Variants in MBP observed in about 807,000 individuals in gnomAD.
MBP encodes Golli-MBP.
A neutral mutation model predicts 35.8 loss-of-function variants in MBP; 16 were observed. The ratio of observed to expected loss-of-function variants is 0.45; its 90% CI spans 0.30 to 0.68. The LOEUF (loss-of-function observed/expected upper bound fraction) is 0.68, where lower values mean the gene tolerates loss of function less well. Ranked by LOEUF, MBP falls within the 30% of genes least tolerant of loss-of-function variation. The probability of loss-of-function intolerance (pLI) is 0.08; values close to 1 mark genes in which losing one functional copy is unlikely to be tolerated. For synonymous variants in MBP, 143 were observed against 159.6 expected (o/e 0.90, Z 0.78); for missense variants, 380 against 404.7 (o/e 0.94, Z 0.52).
chr18:76,987,810 T>G (rs1358809938), intron 7 of MBP: 10 of 1,039,276 alleles, frequency 9.6e-6, no homozygotes, highest in Non-Finnish European at 8.1e-6. Flanking sequence ...TAGAATATAA[T>G]GATTGGCATT....
At chr18:76,998,318 G>A (rs968515203) in intron 4 of MBP, among the ~76,000 whole-genome samples, 27 of 108,032 alleles carry the variant, frequency 2.5e-4, no homozygotes, top group Non-Finnish European at 4.5e-4. Context: ...GCCCCGTGCT[G>A]CGGCCCCCGT....
At chr18:77,071,202 A>G (rs139799920) in intron 2 of MBP, among the ~76,000 whole-genome samples, 26 of 152,334 alleles carry the variant, frequency 1.7e-4, no homozygotes, top group African/African-American at 4.6e-4. Context: ...GATTCAGACT[A>G]GAAACTGCTT....
At chr18:77,059,048 C>T (rs1973857018) in intron 3 of MBP, among the ~76,000 whole-genome samples, 2 of 152,028 alleles carry the variant, frequency 1.3e-5, no homozygotes, top group African/African-American at 2.4e-5. Context: ...AAGGGCAGTT[C>T]GCCAGCACGA....
chr18:77,019,216 AT>A (rs1331987647), intron 3 of MBP, among the ~76,000 whole-genome samples: 1 of 152,194 alleles, frequency 6.6e-6, no homozygotes, highest in Admixed American at 6.5e-5. Flanking sequence ...TATGTTATGG[AT>A]TGAATAGTAT....
chr18:77,008,100 G>A (rs1971103789), intron 4 of MBP, among the ~76,000 whole-genome samples: 1 of 152,144 alleles, frequency 6.6e-6, no homozygotes, highest in Admixed American at 6.5e-5. Context: ...CGTGGAGCAG[G>A]GAACGGGGTA....
At chr18:77,029,557 C>G (rs1290848197) in intron 3 of MBP, among the ~76,000 whole-genome samples, 2 of 152,060 alleles carry the variant, frequency 1.3e-5, no homozygotes, top group African/African-American at 4.8e-5. Flanking sequence ...CTCAAGCAAT[C>G]CTTCTGCCTT....
chr18:77,088,748 C>T (rs1171639528), intron 2 of MBP, among the ~76,000 whole-genome samples: 1 of 152,086 alleles, frequency 6.6e-6, no homozygotes, highest in Non-Finnish European at 1.5e-5. Context: ...CTTTTATATT[C>T]AAATCATTAA....
chr18:77,013,114 G>C lies in MBP; in HGVS notation c.576+3718C>G, dbSNP rs1471997715. On this transcript the variant is annotated intron_variant, in intron 4 of 8. Transcript: ENST00000355994. The stretch of plus-strand genomic sequence containing the variant: ...TAACTGATCAGAGTAATGAGACTTT[G>C]AGAGGAATGCCTATAAGAAATCTCA... 11 of 985,252 alleles carry C rather than the reference G, an allele frequency of 1.1e-5. No homozygotes were observed. In the East Asian group the frequency reaches 3.4e-4, roughly 30 times the overall value. The allele number at this position is 985,252 out of a possible 1,614,324, so 61.0% of individuals were successfully genotyped here.
At chr18:77,126,789 C>A (rs1430684443) in intron 1 of MBP, among the ~76,000 whole-genome samples, 1 of 152,054 alleles carries the variant, frequency 6.6e-6, no homozygotes, top group Non-Finnish European at 1.5e-5. Flanking sequence ...TTAGAAATGC[C>A]CCAAAGAAAA....
intron 2 of MBP, among the ~76,000 whole-genome samples, chr18:77,090,973 T>C (rs910796098): frequency 6.6e-6 from 1 of 152,230 alleles, no homozygotes; most frequent in Non-Finnish European, 1.5e-5. Context: ...GCAGTGCAGC[T>C]GGAGCCCAGG....
chr18:77,064,628 A>G (rs1010901808), intron 3 of MBP, among the ~76,000 whole-genome samples: 2 of 152,224 alleles, frequency 1.3e-5, no homozygotes, highest in Admixed American at 6.5e-5. Flanking sequence ...GTAGAAAAGA[A>G]AGGACTTTTG....
intron 7 of MBP, chr18:76,986,887 T>C: frequency 1.0e-6 from 1 of 985,470 alleles, no homozygotes; most frequent in Non-Finnish European, 1.2e-6. Flanking sequence ...TGTTTATCTT[T>C]GGGGAACCTA....
chr18:76,980,287 G>A lies in MBP; in HGVS notation c.*140C>T, dbSNP rs1969105266. 5 of 823,842 alleles carry A rather than the reference G, an allele frequency of 6.1e-6. No individual in the cohort carries two copies. Among genetic ancestry groups the A allele is most frequent in the Non-Finnish European group, 1.1e-5 (5 of 464,394 alleles). The allele number at this position is 823,842 out of a possible 1,614,324, so 51.0% of individuals were successfully genotyped here. A position where few individuals can be genotyped will look rare whatever the true frequency, so the allele number is the denominator to read the frequency against. ...AATTGCCGGTAGGCTGCCGTGGCCT[G>A]ACCCTACTACGTGCACAACTCCGCA... On this transcript the variant is annotated 3_prime_UTR_variant, in exon 9 of 9. Transcript: ENST00000355994.
At chr18:77,027,036 A>G (rs1280511798) in intron 3 of MBP, among the ~76,000 whole-genome samples, 1 of 152,200 alleles carries the variant, frequency 6.6e-6, no homozygotes, top group Non-Finnish European at 1.5e-5. Flanking sequence ...GTGAGTCGCC[A>G]CTGTTGGCTT....
chr18:77,071,830 C>T (rs922176606), intron 2 of MBP, among the ~76,000 whole-genome samples: 2 of 152,270 alleles, frequency 1.3e-5, no homozygotes, highest in Non-Finnish European at 2.9e-5. Context: ...CAATTAAACT[C>T]GGTGAGCCAA....
At chr18:77,081,813 C>CATATATACACACACACACT (rs1974935090) in intron 2 of MBP, among the ~76,000 whole-genome samples, 1 of 90,682 alleles carries the variant, frequency 1.1e-5, no homozygotes, top group Non-Finnish European at 2.3e-5. Context: ...TATGCACACA[C>CATATATACACACACACACT]ATATATACAC....
At chr18:77,126,431 G>C (rs567479021) in intron 1 of MBP, among the ~76,000 whole-genome samples, 1 of 152,244 alleles carries the variant, frequency 6.6e-6, no homozygotes, top group East Asian at 1.9e-4. Context: ...AAATCCTATA[G>C]CTACATCATA....
At chr18:77,073,733 A>C (rs1382657204) in intron 2 of MBP, among the ~76,000 whole-genome samples, 1 of 152,214 alleles carries the variant, frequency 6.6e-6, no homozygotes, top group East Asian at 1.9e-4. Context: ...CTTGCAGGAC[A>C]TGCAGACCTG....
intron 7 of MBP, chr18:76,985,363 G>A: frequency 1.6e-6 from 2 of 1,270,808 alleles, no homozygotes; most frequent in South Asian, 2.6e-5. Flanking sequence ...TTTGCTGGGG[G>A]CTCCTTTTGC....
Sources: gnomAD v4.1 joint callset for allele counts (sites outside exome capture counted in the v4.1 genomes callset) on GRCh38, gnomAD v4.1.1 for gene constraint, MANE v1.5 for transcripts, NCBI Gene and HGNC (gene_info 2026-07-23, HGNC 2026-07-21) for gene names.